Variants in BRINP3 observed in about 807,000 individuals in gnomAD.
BRINP3 encodes the protein BMP/retinoic acid-inducible neural-specific protein 3.
In BRINP3, 19 loss-of-function variants were observed where a neutral mutation model predicts 71.0. That is an observed-to-expected ratio of 0.27 (90% CI 0.19 to 0.39). The LOEUF (loss-of-function observed/expected upper bound fraction) is 0.39. BRINP3 is among the 10% of genes least tolerant of loss of function. The pLI, the probability that BRINP3 is intolerant of heterozygous loss-of-function variation, is 1.00. For synonymous variants in BRINP3, 380 were observed against 337.7 expected, an observed-to-expected ratio of 1.13 and a Z score of -1.37; for missense variants, 959 against 940.8, an observed-to-expected ratio of 1.02 and a Z score of -0.25.
chr1:190,379,725 C>G (rs558098575), intron 2 of BRINP3, among the ~76,000 whole-genome samples: 35 of 151,886 alleles, frequency 2.3e-4, no homozygotes, highest in Admixed American at 5.9e-4. Flanking sequence ...TAGGGCTGGG[C>G]GCGGTGGTTC....
intron 5 of BRINP3, among the ~76,000 whole-genome samples, chr1:190,230,290 T>C (rs555100622): frequency 6.6e-6 from 1 of 152,098 alleles, no homozygotes; most frequent in Non-Finnish European, 1.5e-5. Flanking sequence ...ATGAGGAACG[T>C]AAAAAATTGT....
At chr1:190,385,629 G>C (rs2102275500) in intron 2 of BRINP3, among the ~76,000 whole-genome samples, 1 of 152,070 alleles carries the variant, frequency 6.6e-6, no homozygotes, top group East Asian at 1.9e-4. Context: ...TTACACTGTT[G>C]GTGGGACTGT....
intron 1 of BRINP3, among the ~76,000 whole-genome samples, chr1:190,473,077 A>G (rs901355968): frequency 6.6e-6 from 1 of 151,922 alleles, no homozygotes; most frequent in Non-Finnish European, 1.5e-5. Flanking sequence ...TTTGGAAAAC[A>G]TTATTAAAAC....
chr1:190,402,594 A>G (rs763521172), intron 2 of BRINP3, among the ~76,000 whole-genome samples: 7 of 152,210 alleles, frequency 4.6e-5, no homozygotes, highest in Non-Finnish European at 7.3e-5. Context: ...CTGGTGCTGA[A>G]CTTAGGGAAT....
chr1:190,203,183 A>T (rs900740815), intron 6 of BRINP3, among the ~76,000 whole-genome samples: 2 of 152,044 alleles, frequency 1.3e-5, no homozygotes, highest in African/African-American at 4.8e-5. Flanking sequence ...TAAGACACAT[A>T]GATTTTATTG....
intron 2 of BRINP3, among the ~76,000 whole-genome samples, chr1:190,384,438 A>C (rs1670753215): frequency 6.6e-6 from 1 of 151,896 alleles, no homozygotes; most frequent in African/African-American, 2.4e-5. Context: ...GCAGAGTTTT[A>C]ATAGAATCTG....
At chr1:190,257,284 G>C (rs1002053825) in intron 4 of BRINP3, among the ~76,000 whole-genome samples, 6 of 152,044 alleles carry the variant, frequency 3.9e-5, no homozygotes, top group Non-Finnish European at 7.4e-5. Flanking sequence ...AAATTGGCTA[G>C]TGAAGCTTGT....
chr1:190,311,234 T>G (rs950521871), intron 2 of BRINP3, among the ~76,000 whole-genome samples: 1 of 151,632 alleles, frequency 6.6e-6, no homozygotes, highest in Admixed American at 6.6e-5. Flanking sequence ...CAAGAAAGGC[T>G]TCATAGAAGA....
intron 7 of BRINP3, among the ~76,000 whole-genome samples, chr1:190,128,214 T>C (rs1654244630): frequency 6.6e-6 from 1 of 151,764 alleles, no homozygotes; most frequent in Non-Finnish European, 1.5e-5. Flanking sequence ...ATAACCACTT[T>C]ATGTGGTTGT....
chr1:190,372,525 C>G (rs1215285524), intron 2 of BRINP3, among the ~76,000 whole-genome samples: 1 of 152,140 alleles, frequency 6.6e-6, no homozygotes, highest in Non-Finnish European at 1.5e-5. Flanking sequence ...CATGCATAAG[C>G]TGGAAATAAA....
At chr1:190,384,292 T>C (rs1400916340) in intron 2 of BRINP3, among the ~76,000 whole-genome samples, 1 of 151,660 alleles carries the variant, frequency 6.6e-6, no homozygotes, top group East Asian at 1.9e-4. Flanking sequence ...CAAAATAGGG[T>C]GAAGATAATT....
At chr1:190,162,396 G>A (rs1651081830) in intron 6 of BRINP3, among the ~76,000 whole-genome samples, 1 of 151,846 alleles carries the variant, frequency 6.6e-6, no homozygotes, top group Non-Finnish European at 1.5e-5. Context: ...CCCCATCTCT[G>A]CCTCCCAAAG....
At chr1:190,463,739 T>C (rs970860074) in intron 1 of BRINP3, among the ~76,000 whole-genome samples, 25 of 151,924 alleles carry the variant, frequency 1.6e-4, no homozygotes, top group Admixed American at 1.5e-3. Flanking sequence ...CTTCACACTT[T>C]AGTGAAATAC....
chr1:190,470,173 A>G (rs917776245), intron 1 of BRINP3, among the ~76,000 whole-genome samples: 1 of 150,994 alleles, frequency 6.6e-6, no homozygotes, highest in South Asian at 2.1e-4. Flanking sequence ...AACAAATGCA[A>G]CAGTCCAGAA....
intron 2 of BRINP3, among the ~76,000 whole-genome samples, chr1:190,445,592 CACA>C (rs1675161175): frequency 6.6e-6 from 1 of 151,818 alleles, no homozygotes; most frequent in African/African-American, 2.4e-5. Context: ...CACACACACA[CACA>C]CCCTCAAGAA....
At chr1:190,298,788 TAA>T (rs1664447490) in intron 2 of BRINP3, among the ~76,000 whole-genome samples, 2 of 152,132 alleles carry the variant, frequency 1.3e-5, no homozygotes, top group South Asian at 4.2e-4. Flanking sequence ...TGCATTTGGT[TAA>T]AGAGTTCTAT....
rs144462172 is a variant in BRINP3, at chr1:190,130,501, A to G, written c.1184+30167T>C. On this transcript the variant is annotated intron_variant, in intron 7 of 7. Transcript: ENST00000367462. ...GCTAACTATGAAGGTCCTGGGCAGA[A>G]CAAGGAAGAGAGTCCTTCTGCCTCC... Among the ~76,000 whole-genome samples the G allele has an allele frequency of 2.5e-3, 388 of 152,172 alleles. 1 individual carries two copies. Among genetic ancestry groups the G allele is most frequent in the Non-Finnish European group, 4.6e-3 (314 of 67,970 alleles).
chr1:190,255,295 C>A (rs1009084194), intron 4 of BRINP3, among the ~76,000 whole-genome samples: 2 of 150,266 alleles, frequency 1.3e-5, no homozygotes, highest in African/African-American at 4.9e-5. Context: ...ATGCTGGCCT[C>A]ATAAAATGAG....
intron 2 of BRINP3, among the ~76,000 whole-genome samples, chr1:190,411,636 G>A (rs917625995): frequency 6.6e-6 from 1 of 152,062 alleles, no homozygotes; most frequent in East Asian, 1.9e-4. Context: ...AGGCTTTGAG[G>A]AAATATGGTC....
Sources: allele counts gnomAD v4.1 joint callset (sites outside exome capture counted in the v4.1 genomes callset), GRCh38; gene constraint gnomAD v4.1.1; transcripts MANE v1.5; gene names NCBI Gene and HGNC (gene_info 2026-07-23, HGNC 2026-07-21).